ITCH: variants seen among roughly 807,000 people sequenced by gnomAD.
ITCH encodes E3 ubiquitin-protein ligase Itchy homolog.
ITCH carries 28 observed loss-of-function variants against 126.8 expected under a neutral mutation model. The ratio of observed to expected loss-of-function variants is 0.22; its 90% CI spans 0.16 to 0.30. ITCH has a LOEUF of 0.30. ITCH is among the 10% of genes least tolerant of loss of function. The pLI is 1.00. For synonymous variants in ITCH, 342 were observed against 340.0 expected (o/e 1.01, Z -0.06); for missense variants, 631 against 1,032.4 (o/e 0.61, Z 5.33).
intron 23 of ITCH, among the ~76,000 whole-genome samples, chr20:34,498,029 G>T (rs572986738): frequency 6.6e-6 from 1 of 152,288 alleles, no homozygotes; most frequent in Admixed American, 6.5e-5. Context: ...GTGTTTTATA[G>T]TTTTTGCTGT....
At chr20:34,424,440 C>G (rs1415614536) in intron 6 of ITCH, 40 bp from the exon 7 acceptor site, 1 of 1,530,598 alleles carries the variant, frequency 6.5e-7, no homozygotes, top group Non-Finnish European at 9.1e-7. Context: ...GAAAACTACT[C>G]TCTTGAAACT....
At chr20:34,412,389 T>C in intron 4 of ITCH, 126 bp from the exon 5 acceptor site, 3 of 683,016 alleles carry the variant, frequency 4.4e-6, no homozygotes, top group South Asian at 3.6e-5. Flanking sequence ...CAATATTGAT[T>C]GTATAGTAAA....
chr20:34,377,870 CAAA>C (rs979304706), intron 2 of ITCH, among the ~76,000 whole-genome samples: 1 of 107,048 alleles, frequency 9.3e-6, no homozygotes, highest in Non-Finnish European at 2.0e-5. Flanking sequence ...GACCCTGTCT[CAAA>C]AAAAAAAAAA....
intron 9 of ITCH, 29 bp from the exon 10 acceptor site, chr20:34,442,179 T>G: frequency 6.4e-7 from 1 of 1,552,264 alleles, no homozygotes; most frequent in Non-Finnish European, 8.9e-7. Flanking sequence ...ATGCAAGTAT[T>G]TTACCAGCCT....
At chr20:34,476,400 C>T (rs1988230785) in intron 16 of ITCH, 2 of 1,239,634 alleles carry the variant, frequency 1.6e-6, no homozygotes, top group Non-Finnish European at 2.0e-6. Flanking sequence ...CGGCGTGGTG[C>T]AGCCACCGGC....
rs370123057 is a variant in ITCH, at chr20:34,462,089, G to A, written c.1296-4G>A. On this transcript the variant is annotated splice_polypyrimidine_tract_variant and splice_region_variant and intron_variant, in intron 13 of 24. Coordinates refer to ENST00000374864, the MANE Select transcript of ITCH (RefSeq NM_031483.7). ...TTGTTTATGTTTTTTCCTGTGTTTCGTAGTCAATTAAATGAAAAGCCCTTA... is the reference window on the plus strand; with the variant it reads ...TTGTTTATGTTTTTTCCTGTGTTTCATAGTCAATTAAATGAAAAGCCCTTA... 5.3e-5 allele frequency: 85 copies of A among 1,613,192 alleles called. No homozygotes were observed. The Admixed American group carries it at 5.7e-4, about 11-fold the overall frequency.
intron 2 of ITCH, among the ~76,000 whole-genome samples, chr20:34,375,696 ATTTTTTTTTTTTTT>A (rs5841171): frequency 3.6e-3 from 239 of 65,604 alleles, no homozygotes; most frequent in African/African-American, 0.013. Context: ...GGTAGTTAAA[ATTTTTTTTTTTTTT>A]TTTTTTTTTT....
At chr20:34,473,554 G>A (rs1987849299) in intron 16 of ITCH, among the ~76,000 whole-genome samples, 1 of 152,138 alleles carries the variant, frequency 6.6e-6, no homozygotes, top group African/African-American at 2.4e-5. Flanking sequence ...CATTCATAAG[G>A]TTTCCATTCT....
Position 34,477,763 on chromosome 20 carries a change from T to TC in ITCH, c.1570-9_1570-8insC, listed in dbSNP as rs775743290. The TC allele has an allele frequency of 6.2e-7, 1 of 1,612,994 alleles. No homozygotes were observed. On this transcript the variant is annotated splice_polypyrimidine_tract_variant and intron_variant, in intron 16 of 24. Transcript: ENST00000374864. The stretch of plus-strand genomic sequence containing the variant: ...TTTTCACCAATTATTTTACTTTATT[T>TC]TTTTTTAGATAATGAGCTTCAGTCC...
intron 12 of ITCH, among the ~76,000 whole-genome samples, chr20:34,453,448 A>G (rs1985492793): frequency 6.6e-6 from 1 of 152,074 alleles, no homozygotes; most frequent in Admixed American, 6.6e-5. Context: ...CAAAAAATAC[A>G]AAAATTAGTT....
At chr20:34,491,617 G>A (rs1026488300) in intron 22 of ITCH, among the ~76,000 whole-genome samples, 1 of 152,082 alleles carries the variant, frequency 6.6e-6, no homozygotes. Context: ...ATTCATATGA[G>A]AAACTTAAAC....
intron 23 of ITCH, among the ~76,000 whole-genome samples, chr20:34,494,858 T>C (rs1989748717): frequency 6.6e-6 from 1 of 151,612 alleles, no homozygotes; most frequent in African/African-American, 2.4e-5. Context: ...ATTCAGGAGG[T>C]TGAGGTGGGA....
chr20:34,492,454 GA>G (rs1200361629), intron 22 of ITCH, 46 bp from the exon 23 acceptor site: 1 of 1,134,926 alleles, frequency 8.8e-7, no homozygotes, highest in East Asian at 2.4e-5. Context: ...TTAGTGTGCT[GA>G]ATGTAACATA....
At chr20:34,402,047 G>A in intron 3 of ITCH, 1 of 655,364 alleles carries the variant, frequency 1.5e-6, no homozygotes, top group Non-Finnish European at 2.7e-6. Context: ...TGTCATTATG[G>A]CAAAAACGAA....
chr20:34,368,239 C>T (rs1460686773), intron 1 of ITCH, among the ~76,000 whole-genome samples: 1 of 150,412 alleles, frequency 6.6e-6, no homozygotes, highest in East Asian at 1.9e-4. Context: ...CACTGCACTC[C>T]AGCCTGGCAA....
rs1024981582 is a variant in ITCH, at chr20:34,481,339, T to C, written c.2093+133T>C. 3 of 982,450 alleles carry C rather than the reference T, an allele frequency of 3.1e-6. No individual in the cohort carries two copies. In the African/African-American group the frequency reaches 5.0e-5, roughly 16 times the overall value. The allele number at this position is 982,450 out of a possible 1,614,324, so 60.9% of individuals were successfully genotyped here. ...ACTAATCAATATCCTATGTAGGCAGTCATTTTTCATTTCTAAAAAGTTTTT... is the reference window on the plus strand; with the variant it reads ...ACTAATCAATATCCTATGTAGGCAGCCATTTTTCATTTCTAAAAAGTTTTT... On this transcript the variant is annotated intron_variant, in intron 20 of 24. Transcript: ENST00000374864.
At position 34,476,124 on chromosome 20, in the gene ITCH, G is replaced by A. The variant is rs975697798; in HGVS notation, c.1570-1648G>A. 3 of 865,512 alleles carry A rather than the reference G, an allele frequency of 3.5e-6. No individual in the cohort carries two copies. In the African/African-American group the frequency reaches 4.9e-5, roughly 14 times the overall value. 53.6% of individuals were successfully genotyped at this position (865,512 alleles called of 1,614,324 possible). On this transcript the variant is annotated intron_variant, in intron 16 of 24. Coordinates refer to ENST00000374864, the MANE Select transcript of ITCH (RefSeq NM_031483.7). Reference sequence around the variant, plus strand: ...TCTCATATATGTGATCTTCAAAGATGAGATGACAGGTTAAACAAGCCAGAG... The same window carrying A: ...TCTCATATATGTGATCTTCAAAGATAAGATGACAGGTTAAACAAGCCAGAG...
chr20:34,377,870 CAA>C (rs979304706), intron 2 of ITCH, among the ~76,000 whole-genome samples: 10 of 106,972 alleles, frequency 9.3e-5, no homozygotes, highest in Admixed American at 2.0e-4. Context: ...GACCCTGTCT[CAA>C]AAAAAAAAAA....
intron 17 of ITCH, 86 bp from the exon 18 acceptor site, chr20:34,479,544 T>G: frequency 9.2e-7 from 1 of 1,089,764 alleles, no homozygotes; most frequent in Non-Finnish European, 1.4e-6. Flanking sequence ...CTGAGGGGTA[T>G]AGATCCCTGA....
Sources: allele counts gnomAD v4.1 joint callset (sites outside exome capture counted in the v4.1 genomes callset), GRCh38; gene constraint gnomAD v4.1.1; transcripts MANE v1.5; gene names NCBI Gene and HGNC (gene_info 2026-07-23, HGNC 2026-07-21).